Variants in NOM1 observed in about 807,000 individuals in gnomAD.
NOM1 encodes the protein nucleolar MIF4G domain-containing protein 1.
In NOM1, 58 loss-of-function variants were observed where a neutral mutation model predicts 73.3. The ratio of observed to expected loss-of-function variants is 0.79; its 90% CI spans 0.64 to 0.99. The LOEUF is 0.99. Ranked by LOEUF, NOM1 falls within the 50% of genes least tolerant of loss-of-function variation. The pLI is 0.00. For synonymous variants in NOM1, 487 were observed against 446.8 expected (o/e 1.09, Z -1.14); for missense variants, 1,226 against 1,131.9 (o/e 1.08, Z -1.19).
rs373522471 is a variant in NOM1 at position 156,959,890 on chromosome 7, G to A, written c.1348G>A (p.Asp450Asn). The A allele has an allele frequency of 1.6e-5, 26 of 1,614,046 alleles. No individual in the cohort carries two copies. The highest frequency in any genetic ancestry group is 1.2e-4 in the African/African-American group (9 of 74,910). Reference sequence around the variant, plus strand: ...TCTGGAGGCAGTGGTGAGGAAGTTCGATGCCATCTATAAATACGGAAGCGA... The same window carrying A: ...TCTGGAGGCAGTGGTGAGGAAGTTCAATGCCATCTATAAATACGGAAGCGA... ...HFLEAVVRKF[D>N]AIYKYGSEGK... The change falls in exon 4 of 11, where the codon GAT (aspartate) becomes AAT (asparagine). Residue 450 changes from aspartate (D) to asparagine (N), a missense_variant. Coordinates refer to ENST00000275820, the MANE Select transcript of NOM1 (RefSeq NM_138400.2).
intron 1 of NOM1, among the ~76,000 whole-genome samples, chr7:156,951,793 C>T (rs1311362094): frequency 1.3e-5 from 2 of 151,976 alleles, no homozygotes; most frequent in Admixed American, 6.6e-5. Flanking sequence ...CTGCAAGCTC[C>T]GCCTCCCAGG....
chr7:156,966,442 A>G (rs777884566), intron 8 of NOM1, 40 bp downstream of exon 8: 5 of 1,610,672 alleles, frequency 3.1e-6, no homozygotes, highest in Admixed American at 1.7e-5. Context: ...CCGCTCTACT[A>G]TTTTTTCTAC....
intron 5 of NOM1, 72 bp downstream of exon 5, chr7:156,962,333 A>G: frequency 8.2e-7 from 1 of 1,218,782 alleles, no homozygotes; most frequent in South Asian, 1.2e-5. Flanking sequence ...ATGAAAATCA[A>G]GAAATAGTCA....
At chr7:156,959,728 G>A (rs932884377) in intron 3 of NOM1, 123 bp from the exon 4 acceptor site, 1 of 945,392 alleles carries the variant, frequency 1.1e-6, no homozygotes, top group Non-Finnish European at 1.6e-6. Flanking sequence ...GCCGAGGGAT[G>A]CCTTGTTGGA....
chr7:156,955,302 A>G (rs183088787), intron 3 of NOM1, among the ~76,000 whole-genome samples: 66 of 152,332 alleles, frequency 4.3e-4, no homozygotes, highest in African/African-American at 1.6e-3. Flanking sequence ...ACTCCCAGTC[A>G]GTATCCCAGT....
chr7:156,966,032 G>A, intron 7 of NOM1: 1 of 530,008 alleles, frequency 1.9e-6, no homozygotes, highest in South Asian at 2.8e-5. Flanking sequence ...AGCGACGGGG[G>A]ACCCCCTAGA....
At chr7:156,962,557 A>G (rs939374010) in intron 5 of NOM1, among the ~76,000 whole-genome samples, 8 of 152,210 alleles carry the variant, frequency 5.3e-5, no homozygotes, top group East Asian at 3.8e-4. Flanking sequence ...CTTTCAGAGA[A>G]GGCCAAGTCC....
intron 3 of NOM1, among the ~76,000 whole-genome samples, chr7:156,957,733 CCACTG>C (rs10549595): frequency 0.54 from 78,067 of 145,440 alleles, 20,890 homozygotes; most frequent in Middle Eastern, 0.67. Context: ...CGAGATCGCA[CCACTG>C]CACTCCAGCC....
chr7:156,950,748 C>A, intron 1 of NOM1, 24 bp downstream of exon 1: 1 of 1,524,668 alleles, frequency 6.6e-7, no homozygotes, highest in Non-Finnish European at 8.8e-7. Context: ...ACTCTCTAGG[C>A]CCTCTGGGAT....
At chr7:156,954,432 CTA>C (rs1804669180) in intron 3 of NOM1, 134 bp downstream of exon 3, 3 of 647,790 alleles carry the variant, frequency 4.6e-6, no homozygotes, top group East Asian at 3.3e-5. Flanking sequence ...AATAAATACT[CTA>C]TTGTCTATGT....
chr7:156,968,085 T>G (rs909880854), intron 9 of NOM1, among the ~76,000 whole-genome samples: 2 of 152,182 alleles, frequency 1.3e-5, no homozygotes, highest in Non-Finnish European at 2.9e-5. Context: ...CCTGCGTCCC[T>G]TGCTGTGTGG....
chr7:156,952,007 GTTTTGAT>G (rs1015637774), intron 1 of NOM1, among the ~76,000 whole-genome samples: 2 of 152,154 alleles, frequency 1.3e-5, no homozygotes, highest in African/African-American at 4.8e-5. Context: ...TGCCCGGCCG[GTTTTGAT>G]TTTTATCATA....
chr7:156,965,031 T>C (rs1804960372), intron 7 of NOM1, among the ~76,000 whole-genome samples: 2 of 152,276 alleles, frequency 1.3e-5, no homozygotes, highest in South Asian at 2.1e-4. Flanking sequence ...TCATGAGTTA[T>C]GAGTCTAAGC....
intron 3 of NOM1, among the ~76,000 whole-genome samples, chr7:156,959,028 C>T (rs903498618): frequency 3.9e-5 from 6 of 152,018 alleles, no homozygotes; most frequent in African/African-American, 1.4e-4. Context: ...ACTCGTATTG[C>T]TTCCTTGTAA....
chr7:156,960,940 A>C (rs1804849218), intron 4 of NOM1, among the ~76,000 whole-genome samples: 1 of 151,792 alleles, frequency 6.6e-6, no homozygotes, highest in South Asian at 2.1e-4. Flanking sequence ...GATTGGGATG[A>C]AGGGAAGGAG....
At chr7:156,967,153 C>T (rs1018693367) in intron 9 of NOM1, 61 bp downstream of exon 9, 6 of 1,559,980 alleles carry the variant, frequency 3.8e-6, no homozygotes, top group South Asian at 2.4e-5. Flanking sequence ...TGTTTAGTAC[C>T]TGGTAAATCA....
intron 3 of NOM1, among the ~76,000 whole-genome samples, chr7:156,958,001 G>A (rs887614): frequency 0.5 from 75,400 of 151,914 alleles, 19,115 homozygotes; most frequent in Middle Eastern, 0.66. Context: ...ACAAACTGAA[G>A]TGTATATCCA....
intron 3 of NOM1, among the ~76,000 whole-genome samples, chr7:156,957,050 T>A (rs1328908947): frequency 6.6e-6 from 1 of 152,206 alleles, no homozygotes; most frequent in African/African-American, 2.4e-5. Context: ...ATGAGATAAT[T>A]GGGCCTACTT....
chr7:156,965,994 T>C (rs1804985905), intron 7 of NOM1, among the ~76,000 whole-genome samples: 1 of 152,218 alleles, frequency 6.6e-6, no homozygotes, highest in Non-Finnish European at 1.5e-5. Flanking sequence ...CAGTTTATTG[T>C]CAGCCGGGCA....
Sources: gnomAD v4.1 joint callset for allele counts (sites outside exome capture counted in the v4.1 genomes callset) on GRCh38, gnomAD v4.1.1 for gene constraint, MANE v1.5 for transcripts, NCBI Gene and HGNC (gene_info 2026-07-23, HGNC 2026-07-21) for gene names.